KANSL1: variants seen among roughly 807,000 people sequenced by gnomAD.
The protein encoded by KANSL1 is KAT8 regulatory NSL complex subunit 1.
KANSL1 carries 22 observed loss-of-function variants against 103.6 expected under a neutral mutation model. The observed-to-expected ratio is 0.21, with a 90% CI of 0.15 to 0.30. The LOEUF is 0.30. KANSL1 is among the 10% of genes least tolerant of loss of function. The probability of loss-of-function intolerance (pLI) is 1.00; values close to 1 mark genes in which losing one functional copy is unlikely to be tolerated. For synonymous variants in KANSL1, 600 were observed against 527.6 expected (o/e 1.14, Z -1.88); for missense variants, 1,337 against 1,399.8 (o/e 0.96, Z 0.72).
chr17:46,160,199 T>G (rs1446380325), intron 2 of KANSL1, among the ~76,000 whole-genome samples: 1 of 152,210 alleles, frequency 6.6e-6, no homozygotes, highest in Non-Finnish European at 1.5e-5. Context: ...AAAGGTGTGA[T>G]CAATAAATAC....
chr17:46,133,447 C>T (rs1041078788), intron 2 of KANSL1, among the ~76,000 whole-genome samples: 1 of 152,132 alleles, frequency 6.6e-6, no homozygotes, highest in Admixed American at 6.5e-5. Flanking sequence ...AAAATGACAA[C>T]ATACTATGAA....
chr17:46,077,425 A>C (rs1346719694), intron 4 of KANSL1, among the ~76,000 whole-genome samples: 1 of 152,210 alleles, frequency 6.6e-6, no homozygotes, highest in Non-Finnish European at 1.5e-5. Context: ...AAGTAGTGTG[A>C]TGTTAGGCGT....
At position 46,031,293 on chromosome 17, in the gene KANSL1, T is replaced by C. The variant is rs754855855; in HGVS notation, c.*183A>G. The C allele has an allele frequency of 3.0e-6, 2 of 662,578 alleles. No homozygotes were observed. The highest frequency in any genetic ancestry group is 2.5e-6 in the Non-Finnish European group (1 of 396,022). 41.0% of individuals were successfully genotyped at this position (662,578 alleles called of 1,614,324 possible). On this transcript the variant is annotated 3_prime_UTR_variant, in exon 15 of 15. Coordinates refer to ENST00000432791, the MANE Select transcript of KANSL1 (RefSeq NM_015443.4). ...TGCTCAGGTGTGTGACAAGAAAACA[T>C]GGAAACAAAAACAAAACAAAAATTA... is the stretch of plus-strand genomic sequence containing the variant.
intron 2 of KANSL1, among the ~76,000 whole-genome samples, chr17:46,096,279 T>C (rs1598608107): frequency 6.7e-6 from 1 of 148,694 alleles, no homozygotes; most frequent in Non-Finnish European, 1.5e-5. Context: ...GCAGCTAGGA[T>C]CAGGAGCATA....
chr17:46,036,292 G>A (rs1347460712), intron 10 of KANSL1, among the ~76,000 whole-genome samples: 2 of 152,198 alleles, frequency 1.3e-5, no homozygotes, highest in East Asian at 1.9e-4. Context: ...CTGGCTTTTG[G>A]GAAGCACTGA....
intron 7 of KANSL1, chr17:46,042,603 T>A (rs1190557983): frequency 6.6e-6 from 1 of 152,230 alleles, no homozygotes; most frequent in Non-Finnish European, 1.5e-5. Context: ...TAAAGTCAAT[T>A]ATTTCTCAAA....
chr17:46,083,058 C>T (rs767981822), intron 3 of KANSL1, among the ~76,000 whole-genome samples: 29 of 152,152 alleles, frequency 1.9e-4, no homozygotes, highest in Non-Finnish European at 7.3e-5. Flanking sequence ...CCCAAAGGAA[C>T]CTGCTTTTTT....
At chr17:46,103,251 C>T (rs2042395830) in intron 2 of KANSL1, among the ~76,000 whole-genome samples, 4 of 152,288 alleles carry the variant, frequency 2.6e-5, no homozygotes, top group Middle Eastern at 3.4e-3. Flanking sequence ...TGAAAATTTA[C>T]AAATACAAGC....
At chr17:46,165,240 C>T (rs62060886) in intron 2 of KANSL1, among the ~76,000 whole-genome samples, 11 of 151,998 alleles carry the variant, frequency 7.2e-5, no homozygotes, top group Non-Finnish European at 1.0e-4. Flanking sequence ...TTTATTTTTA[C>T]TTATTTATTT....
chr17:46,165,045 T>C (rs2045926647), intron 2 of KANSL1, among the ~76,000 whole-genome samples: 1 of 152,152 alleles, frequency 6.6e-6, no homozygotes, highest in South Asian at 2.1e-4. Context: ...AAGCAGAGAC[T>C]GCAATGAGCT....
intron 2 of KANSL1, among the ~76,000 whole-genome samples, chr17:46,115,676 T>C (rs746512155): frequency 6.6e-6 from 1 of 152,244 alleles, no homozygotes; most frequent in Non-Finnish European, 1.5e-5. Context: ...ATAGGATACT[T>C]TGACTCTACT....
At chr17:46,201,917 GAATCA>G (rs1390635365) in intron 1 of KANSL1, among the ~76,000 whole-genome samples, 186 of 152,304 alleles carry the variant, frequency 1.2e-3, no homozygotes, top group South Asian at 1.0e-3. Flanking sequence ...CAAGGTGGGA[GAATCA>G]CTTGAGCCTG....
chr17:46,138,648 A>G (rs918040655), intron 2 of KANSL1, among the ~76,000 whole-genome samples: 1 of 152,254 alleles, frequency 6.6e-6, no homozygotes, highest in African/African-American at 2.4e-5. Context: ...CTCCACCTGT[A>G]ATGGCTTTCA....
chr17:46,056,177 T>A (rs1484993887), intron 6 of KANSL1, among the ~76,000 whole-genome samples: 1 of 152,184 alleles, frequency 6.6e-6, no homozygotes, highest in South Asian at 2.1e-4. Context: ...TCTGTATTTT[T>A]AGTAGAGACG....
intron 5 of KANSL1, among the ~76,000 whole-genome samples, chr17:46,067,016 T>C (rs1203539959): frequency 6.6e-6 from 1 of 152,242 alleles, no homozygotes; most frequent in Non-Finnish European, 1.5e-5. Context: ...AGTTCTCCTC[T>C]ACATCAAACA....
intron 7 of KANSL1, 39 bp downstream of exon 7, chr17:46,050,494 T>G (rs769605849): frequency 3.1e-6 from 5 of 1,592,894 alleles, no homozygotes; most frequent in Non-Finnish European, 4.3e-6. Flanking sequence ...GTCTCTCAAG[T>G]TTCTTTCATT....
chr17:46,105,941 ACACACACCC>A (rs1466180307), intron 2 of KANSL1, among the ~76,000 whole-genome samples: 1,104 of 76,024 alleles, frequency 0.015, 12 homozygotes, highest in Non-Finnish European at 0.029. Flanking sequence ...ACACACACAC[ACACACACCC>A]CCCCAGAAGG....
chr17:46,224,296 C>A (rs1238531992), upstream of KANSL1, among the ~76,000 whole-genome samples: 1 of 152,056 alleles, frequency 6.6e-6, no homozygotes, highest in Non-Finnish European at 1.5e-5. Flanking sequence ...ACCCTTCTTC[C>A]CCAGAGATCG....
At chr17:46,074,686 T>C (rs1016444602) in intron 4 of KANSL1, among the ~76,000 whole-genome samples, 4 of 151,852 alleles carry the variant, frequency 2.6e-5, no homozygotes, top group African/African-American at 7.3e-5. Context: ...GGAGGATAGC[T>C]GAGCCAGGGA....
Sources: gnomAD v4.1 joint callset for allele counts (sites outside exome capture counted in the v4.1 genomes callset) on GRCh38, gnomAD v4.1.1 for gene constraint, MANE v1.5 for transcripts, NCBI Gene and HGNC (gene_info 2026-07-23, HGNC 2026-07-21) for gene names.